GOLGA8K: variants seen among roughly 807,000 people sequenced by gnomAD.
GOLGA8K encodes golgin A8 family member K, also known as golgin subfamily A member 8K.
A neutral mutation model predicts 75.2 loss-of-function variants in GOLGA8K; 12 were observed. The ratio of observed to expected loss-of-function variants is 0.16; its 90% CI spans 0.10 to 0.26. GOLGA8K has a LOEUF of 0.26. Ranked by LOEUF, GOLGA8K falls within the 10% of genes least tolerant of loss-of-function variation. The probability of loss-of-function intolerance (pLI) is 1.00; values close to 1 mark genes in which losing one functional copy is unlikely to be tolerated. For synonymous variants in GOLGA8K, 48 were observed against 236.6 expected, an observed-to-expected ratio of 0.20 and a Z score of 7.32; for missense variants, 109 against 640.8, an observed-to-expected ratio of 0.17 and a Z score of 8.96.
intron 13 of GOLGA8K, among the ~76,000 whole-genome samples, 191 bp from the exon 14 acceptor site, chr15:32,394,931 C>T (rs530640109): frequency 6.7e-6 from 1 of 149,182 alleles, no homozygotes; most frequent in Non-Finnish European, 1.5e-5. Flanking sequence ...ACTGCCTGTA[C>T]AGCGCCTCCT....
chr15:32,394,962 T>C (rs546919747), intron 13 of GOLGA8K, among the ~76,000 whole-genome samples: 3,833 of 149,494 alleles, frequency 0.026, 7 homozygotes, highest in South Asian at 0.036. Context: ...CAGCTGCTGA[T>C]AGGTGGCCAC....
chr15:32,398,295 C>T (rs1363775397), intron 8 of GOLGA8K, among the ~76,000 whole-genome samples: 113 of 147,658 alleles, frequency 7.7e-4, no homozygotes, highest in African/African-American at 2.7e-3. Context: ...CTAGGACTTG[C>T]CCAAGACCAC....
chr15:32,398,159 T>G (rs1276401472), intron 8 of GOLGA8K, among the ~76,000 whole-genome samples: 1 of 117,244 alleles, frequency 8.5e-6, no homozygotes, highest in East Asian at 3.1e-4. Flanking sequence ...ATTATCACAG[T>G]ATGTACACAC....
chr15:32,397,382 T>C, intron 9 of GOLGA8K, 35 bp downstream of exon 9: 1 of 1,111,064 alleles, frequency 9.0e-7, no homozygotes, highest in Non-Finnish European at 1.3e-6. Context: ...CCTGGGGTCA[T>C]CTTCCTTCCA....
rs1387451740 is a variant in GOLGA8K, at chr15:32,397,287, G to A, written c.702C>T (p.Val234=). ...LTQLKESFQQ[V]QLERDEYSEH... is the part of the protein sequence containing the mutation. ...CAGAATACTCATCTCTTTCTAATTG[G>A]ACTTGTTGAAAAGACTCCTTCAACT... Residue 234 remains valine, a synonymous_variant, in exon 10 of 19, where the codon GTC becomes GTT. Transcript: ENST00000512626. 1 of 1,576,130 alleles carries A rather than the reference G, an allele frequency of 6.3e-7. No homozygotes were observed. Among genetic ancestry groups the A allele is most frequent in the East Asian group, 2.3e-5 (1 of 44,092 alleles).
Position 32,397,505 on chromosome 15 carries a change from T to G in GOLGA8K, c.592-2A>C, listed in dbSNP as rs1390499005. The G allele has an allele frequency of 6.8e-7, 1 of 1,478,810 alleles. No individual in the cohort carries two copies. Among genetic ancestry groups the G allele is most frequent in the African/African-American group, 1.4e-5 (1 of 71,338 alleles). The allele number at this position is 1,478,810 out of a possible 1,614,324, so 91.6% of individuals were successfully genotyped here. A position where few individuals can be genotyped will look rare whatever the true frequency, so the allele number is the denominator to read the frequency against. On this transcript the variant is annotated splice_acceptor_variant, in intron 8 of 18. Transcript: ENST00000512626. LOFTEE classifies it high-confidence loss of function. Reference sequence around the variant, plus strand: ...ACGTGCTTTGCTGCGGCTGGACAACTGGATGGTGAAGAGTGAGAAGTTTCA... The same window carrying G: ...ACGTGCTTTGCTGCGGCTGGACAACGGGATGGTGAAGAGTGAGAAGTTTCA...
chr15:32,393,514 T>C lies in GOLGA8K; in HGVS notation c.1422A>G (p.Lys474=). The C allele has an allele frequency of 1.7e-6, 2 of 1,200,114 alleles. No individual in the cohort carries two copies. The highest frequency in any genetic ancestry group is 1.3e-5 in the South Asian group (1 of 74,500). 74.3% of individuals were successfully genotyped at this position (1,200,114 alleles called of 1,614,324 possible). ...GCCAGTGGTGGATGAAGCAGAGTTC[T>C]TTTTTCACCAGCTCACTCAGGTCTG... ...EKADLSELVK[K]ELCFIHHWRD... Residue 474 remains lysine (K), a synonymous_variant, in exon 16 of 19, where the codon AAA becomes AAG. Coordinates refer to ENST00000512626, the MANE Select transcript of GOLGA8K (RefSeq NM_001282493.2).
At chr15:32,395,788 T>C (rs1379583726) in intron 13 of GOLGA8K, among the ~76,000 whole-genome samples, 175 bp downstream of exon 13, 2 of 149,074 alleles carry the variant, frequency 1.3e-5, no homozygotes, top group Non-Finnish European at 3.0e-5. Flanking sequence ...AGCCCAGGGC[T>C]ACCCACCTTT....
chr15:32,401,073 A>C (rs1212361615), intron 2 of GOLGA8K, among the ~76,000 whole-genome samples: 3 of 139,276 alleles, frequency 2.2e-5, no homozygotes, highest in Admixed American at 7.2e-5. Flanking sequence ...CAGCCTTCTG[A>C]GTAGCTGGGA....
At position 32,390,197 on chromosome 15, in the gene GOLGA8K, C is replaced by T. The variant is rs1431197543; in HGVS notation, c.*2585G>A. 1.0e-5 allele frequency among the ~76,000 whole-genome samples: 1 copy of T among 96,888 alleles called. No homozygotes were observed. Among genetic ancestry groups the T allele is most frequent in the African/African-American group, 3.5e-5 (1 of 28,678 alleles). 63.6% of individuals were successfully genotyped at this position (96,888 alleles called of 152,430 possible). Reference sequence around the variant, plus strand: ...GCCTTCTAAGCAAACTGAAAGCTGCCTTATACTGAATGAGGAAGAGCACAA... The same window carrying T: ...GCCTTCTAAGCAAACTGAAAGCTGCTTTATACTGAATGAGGAAGAGCACAA... On this transcript the variant is annotated 3_prime_UTR_variant, in exon 19 of 19. Coordinates refer to ENST00000512626, the MANE Select transcript of GOLGA8K (RefSeq NM_001282493.2).
intron 1 of GOLGA8K, chr15:32,401,887 C>T: frequency 6.7e-6 from 1 of 149,434 alleles, no homozygotes; most frequent in Admixed American, 1.1e-4. Context: ...ATCAATGTGT[C>T]CTCATGGCAG....
In GOLGA8K at chr15:32,395,832, G is replaced by A. The variant is rs994481711; in HGVS notation, c.1200+131C>T. 2.3e-5 allele frequency: 34 copies of A among 1,489,168 alleles called. No homozygotes were observed. The African/African-American group carries it at 3.6e-4, about 16-fold the overall frequency. 92.2% of individuals were successfully genotyped at this position (1,489,168 alleles called of 1,614,324 possible). A position where few individuals can be genotyped will look rare whatever the true frequency, so the allele number is the denominator to read the frequency against. ...GAGGCAGGAAGCAAGAAACAGGACTGCCCTGGGGGGTGCTGTGGTCACCAG... is the reference window on the plus strand; with the variant it reads ...GAGGCAGGAAGCAAGAAACAGGACTACCCTGGGGGGTGCTGTGGTCACCAG... On this transcript the variant is annotated intron_variant, in intron 13 of 18. Coordinates refer to ENST00000512626, the MANE Select transcript of GOLGA8K (RefSeq NM_001282493.2).
At chr15:32,398,895 CCTT>C in intron 6 of GOLGA8K, 40 bp downstream of exon 6, 1 of 1,575,240 alleles carries the variant, frequency 6.3e-7, no homozygotes, top group East Asian at 2.3e-5. Flanking sequence ...AGGAAAGAAA[CCTT>C]CTCCGGAGGA....
intron 1 of GOLGA8K, 123 bp from the exon 2 acceptor site, chr15:32,401,598 A>C (rs1234623451): frequency 1.8e-6 from 1 of 556,376 alleles, no homozygotes; most frequent in Non-Finnish European, 2.8e-6. Context: ...ACAACTGTAC[A>C]AGGTGTTGTC....
chr15:32,398,598 A>C lies in GOLGA8K; in HGVS notation c.553T>G (p.Ser185Ala), dbSNP rs1333257676. 1 of 617,924 alleles carries C rather than the reference A, an allele frequency of 1.6e-6. No homozygotes were observed. Among genetic ancestry groups the C allele is most frequent in the South Asian group, 1.9e-5 (1 of 52,768 alleles). The allele number at this position is 617,924 out of a possible 1,614,324, so 38.3% of individuals were successfully genotyped here. A position where few individuals can be genotyped will look rare whatever the true frequency, so the allele number is the denominator to read the frequency against. The part of the protein sequence containing the change: ...QRKGELESVL[S>A]NVMATQKKKA... ...TTCTTCTGTGTGGCCATGACATTAG[A>C]GAGAACACTCTCTAACTCTCCTTTA... is the stretch of plus-strand genomic sequence containing the variant. The change falls in exon 8 of 19, where the codon TCT (serine) becomes GCT (alanine). Residue 185 changes from serine (S) to alanine (A), a missense_variant. Ser to Ala is a moderately conservative substitution (Grantham distance 99). Transcript: ENST00000512626.
Position 32,393,700 on chromosome 15 carries a change from G to A in GOLGA8K, c.1366-130C>T. On this transcript the variant is annotated intron_variant, in intron 15 of 18. Transcript: ENST00000512626. ...TCCGTGACTTCCTGCAGGGCCCAGT[G>A]GGTCTCCCCACTCACAGACTCGCCC... 4.5e-6 allele frequency: 3 copies of A among 661,410 alleles called. 1 individual carries two copies. The highest frequency in any genetic ancestry group is 4.4e-6 in the Non-Finnish European group (2 of 451,426). 41.0% of individuals were successfully genotyped at this position (661,410 alleles called of 1,614,324 possible).
At chr15:32,398,267 C>T (rs2054656696) in intron 8 of GOLGA8K, among the ~76,000 whole-genome samples, 2 of 145,708 alleles carry the variant, frequency 1.4e-5, no homozygotes, top group Non-Finnish European at 1.5e-5. Flanking sequence ...GTACAAGTAC[C>T]CAATACCCCA....
chr15:32,395,142 A>G (rs1438635821), intron 13 of GOLGA8K, among the ~76,000 whole-genome samples: 8 of 136,496 alleles, frequency 5.9e-5, no homozygotes, highest in Non-Finnish European at 1.3e-4. Flanking sequence ...GGGCTCTGTC[A>G]GCTGCCCAGG....
chr15:32,403,042 GA>G, intron 1 of GOLGA8K, 104 bp downstream of exon 1: 1 of 1,008,054 alleles, frequency 9.9e-7, no homozygotes, highest in Non-Finnish European at 1.3e-6. Flanking sequence ...GGGTAGGGGG[GA>G]CGAGTCCAGT....
Sources: gnomAD v4.1 joint callset for allele counts (sites outside exome capture counted in the v4.1 genomes callset) on GRCh38, gnomAD v4.1.1 for gene constraint, MANE v1.5 for transcripts, NCBI Gene and HGNC (gene_info 2026-07-23, HGNC 2026-07-21) for gene names.